Variants in FAR2 observed in about 807,000 individuals in gnomAD.
The protein encoded by FAR2 is fatty acyl-CoA reductase 2.
Under a neutral mutation model 56.0 loss-of-function variants are expected in FAR2, and 19 were observed. The observed-to-expected ratio is 0.34, with a 90% CI of 0.24 to 0.50. The LOEUF is 0.50. Ranked by LOEUF, FAR2 falls within the 20% of genes least tolerant of loss-of-function variation. The pLI, the probability that FAR2 is intolerant of heterozygous loss-of-function variation, is 0.98. For synonymous variants in FAR2, 219 were observed against 218.8 expected (o/e 1.00, Z -0.01); for missense variants, 508 against 642.2 (o/e 0.79, Z 2.26).
intron 1 of FAR2, among the ~76,000 whole-genome samples, chr12:29,232,881 TC>T (rs1466945876): frequency 2.6e-5 from 4 of 151,414 alleles, no homozygotes; most frequent in African/African-American, 9.7e-5. Flanking sequence ...GGAAAATTAT[TC>T]CCTTGGCCAC....
intron 1 of FAR2, among the ~76,000 whole-genome samples, chr12:29,231,553 G>A (rs1947858062): frequency 6.6e-6 from 1 of 152,168 alleles, no homozygotes; most frequent in Admixed American, 6.6e-5. Context: ...ATTAATTTGT[G>A]AGAGACATTC....
intron 1 of FAR2, among the ~76,000 whole-genome samples, chr12:29,226,893 C>T (rs1020225710): frequency 6.6e-6 from 1 of 152,080 alleles, no homozygotes; most frequent in African/African-American, 2.4e-5. Context: ...TCTTTTAGAG[C>T]AAAACCTAGA....
chr12:29,296,885 C>T lies in FAR2; in HGVS notation c.366-136C>T, dbSNP rs375666472. The T allele has an allele frequency of 3.8e-5, 27 of 708,346 alleles. No homozygotes were observed. In the African/African-American group the frequency reaches 4.6e-4, roughly 12 times the overall value. 43.9% of individuals were successfully genotyped at this position (708,346 alleles called of 1,614,324 possible). A position where few individuals can be genotyped will look rare whatever the true frequency, so the allele number is the denominator to read the frequency against. ...TATCACATAACTGTGTAGCCATGAC[C>T]CATCCTTCTCTTCCTGGTGTTTTGG... On this transcript the variant is annotated intron_variant, in intron 3 of 11. Transcript: ENST00000536681.
intron 1 of FAR2, among the ~76,000 whole-genome samples, chr12:29,198,355 A>T (rs1950158586): frequency 6.6e-6 from 1 of 151,996 alleles, no homozygotes; most frequent in Non-Finnish European, 1.5e-5. Flanking sequence ...CAGCCTCCGG[A>T]GTAGCTGGGA....
At chr12:29,304,187 C>T (rs1053005808) in intron 4 of FAR2, among the ~76,000 whole-genome samples, 5 of 152,150 alleles carry the variant, frequency 3.3e-5, no homozygotes, top group African/African-American at 7.2e-5. Context: ...CCTACAACCT[C>T]GTCTTCTTTT....
Position 29,172,754 on chromosome 12 carries a change from C to T in FAR2, c.-39+23347C>T, listed in dbSNP as rs566805731. ...ATTTTCTTAAGGCCTCCCGTAGCCG[C>T]TCGAGGAAGGCAGAAGGATTTTCTT... is the stretch of plus-strand genomic sequence containing the variant. On this transcript the variant is annotated intron_variant, in intron 1 of 11. Coordinates refer to ENST00000536681, the MANE Select transcript of FAR2 (RefSeq NM_001271783.2). Among the ~76,000 whole-genome samples the T allele has an allele frequency of 2.0e-4, 31 of 152,336 alleles. No homozygotes were observed. The South Asian group carries it at 6.0e-3, about 30-fold the overall frequency.
chr12:29,275,784 G>A (rs1362734446), intron 2 of FAR2, among the ~76,000 whole-genome samples: 3 of 152,082 alleles, frequency 2.0e-5, no homozygotes, highest in South Asian at 2.1e-4. Context: ...TTTACCTACT[G>A]CTTCTTTCAA....
rs897590353 is a variant in FAR2, at chr12:29,271,237, G to GA, written c.189+607dup. The stretch of plus-strand genomic sequence containing the variant: ...GGATATCAAACCCTCTCTCCTCTCG[G>GA]AAAAAAAAGACATTATGCATATTCT... On this transcript the variant is annotated intron_variant, in intron 2 of 11. Transcript: ENST00000536681. Among the ~76,000 whole-genome samples, 40 of 151,562 alleles carry GA rather than the reference G, an allele frequency of 2.6e-4. No individual in the cohort carries two copies. In the East Asian group the frequency reaches 5.8e-3, roughly 22 times the overall value.
intron 8 of FAR2, among the ~76,000 whole-genome samples, chr12:29,313,304 T>G (rs1257131275): frequency 6.6e-6 from 1 of 152,158 alleles, no homozygotes; most frequent in Admixed American, 6.5e-5. Context: ...ACCAAATGTT[T>G]TAATAATGCC....
At chr12:29,202,583 C>A (rs558106985) in intron 1 of FAR2, among the ~76,000 whole-genome samples, 2 of 152,058 alleles carry the variant, frequency 1.3e-5, no homozygotes, top group African/African-American at 4.8e-5. Flanking sequence ...TGTTGGAGGT[C>A]GGGCCTGGTA....
chr12:29,313,494 G>A (rs922554838), intron 8 of FAR2, among the ~76,000 whole-genome samples: 2 of 152,070 alleles, frequency 1.3e-5, no homozygotes, highest in Non-Finnish European at 2.9e-5. Context: ...AAGTGTTTGT[G>A]TAATATTGGA....
intron 1 of FAR2, among the ~76,000 whole-genome samples, chr12:29,247,440 G>GGT: frequency 6.6e-6 from 1 of 152,166 alleles, no homozygotes; most frequent in South Asian, 2.1e-4. Context: ...ACAGTAATTT[G>GGT]TGCAATGATG....
intron 1 of FAR2, among the ~76,000 whole-genome samples, chr12:29,227,142 G>A (rs1039913334): frequency 1.3e-5 from 2 of 152,138 alleles, no homozygotes; most frequent in African/African-American, 2.4e-5. Context: ...TCTGTTTTCC[G>A]CAGGGCACCT....
intron 2 of FAR2, among the ~76,000 whole-genome samples, chr12:29,274,295 T>C (rs1948669392): frequency 6.6e-6 from 1 of 150,556 alleles, no homozygotes; most frequent in South Asian, 2.1e-4. Context: ...CATGTGGTGT[T>C]TGGTTTTTTG....
intron 1 of FAR2, among the ~76,000 whole-genome samples, chr12:29,206,129 G>A (rs1165699842): frequency 1.3e-5 from 2 of 152,190 alleles, no homozygotes; most frequent in African/African-American, 4.8e-5. Context: ...TTTCCCAAGG[G>A]AATGGATGAG....
chr12:29,324,142 G>A (rs1020439535), intron 10 of FAR2, among the ~76,000 whole-genome samples: 1 of 152,200 alleles, frequency 6.6e-6, no homozygotes, highest in African/African-American at 2.4e-5. Context: ...GGAAGAAAGG[G>A]TGTCAGCGAT....
Position 29,309,230 on chromosome 12 carries a change from G to A in FAR2, c.768G>A (p.Ala256=). Residue 256 remains alanine, a splice_region_variant and synonymous_variant, in exon 6 of 12, where the codon GCG becomes GCA. Coordinates refer to ENST00000536681, the MANE Select transcript of FAR2 (RefSeq NM_001271783.2). ...ATGGACCTAATGGAATCATTATTGC[G>A]GTATGTATAATGATGAAGAAATAAC... ...NINGPNGIII[A]TGKGFLRAIK... 3.8e-6 allele frequency: 6 copies of A among 1,594,742 alleles called. No individual in the cohort carries two copies. Among genetic ancestry groups the A allele is most frequent in the African/African-American group, 2.7e-5 (2 of 74,522 alleles).
chr12:29,313,475 A>G (rs927585203), intron 8 of FAR2, among the ~76,000 whole-genome samples: 5 of 152,044 alleles, frequency 3.3e-5, no homozygotes, highest in East Asian at 3.9e-4. Flanking sequence ...GTTGTTTTCT[A>G]TTGTCTGAAA....
At chr12:29,317,491 G>A (rs1374034458) in intron 9 of FAR2, among the ~76,000 whole-genome samples, 1 of 152,026 alleles carries the variant, frequency 6.6e-6, no homozygotes, top group East Asian at 1.9e-4. Context: ...AAGGATACTC[G>A]ACCTGTATAA....
Sources: allele counts gnomAD v4.1 joint callset (sites outside exome capture counted in the v4.1 genomes callset), GRCh38; gene constraint gnomAD v4.1.1; transcripts MANE v1.5; gene names NCBI Gene and HGNC (gene_info 2026-07-23, HGNC 2026-07-21).